TECPR2: variants seen among roughly 807,000 people sequenced by gnomAD.
TECPR2 encodes tectonin beta-propeller repeat containing 2.
TECPR2 carries 65 observed loss-of-function variants against 138.1 expected under a neutral mutation model. That is an observed-to-expected ratio of 0.47 (90% CI 0.39 to 0.58). The LOEUF (loss-of-function observed/expected upper bound fraction) is 0.58, where lower values mean the gene tolerates loss of function less well. TECPR2 is among the 20% of genes least tolerant of loss of function. The pLI, the probability that TECPR2 is intolerant of heterozygous loss-of-function variation, is 0.00. For synonymous variants in TECPR2, 746 were observed against 749.8 expected (o/e 0.99, Z 0.08); for missense variants, 1,553 against 1,824.5 (o/e 0.85, Z 2.71).
chr14:102,458,427 G>A (rs1399226554), intron 16 of TECPR2, among the ~76,000 whole-genome samples: 2 of 152,088 alleles, frequency 1.3e-5, no homozygotes, highest in South Asian at 2.1e-4. Flanking sequence ...TGCCCTCCAC[G>A]TTACATGGCT....
At chr14:102,380,466 C>A (rs1887772288) in intron 2 of TECPR2, among the ~76,000 whole-genome samples, 1 of 152,210 alleles carries the variant, frequency 6.6e-6, no homozygotes, top group Admixed American at 6.5e-5. Flanking sequence ...AGGAAACTTA[C>A]AGTCATGGTG....
chr14:102,367,993 CCT>C lies in TECPR2; in HGVS notation c.-73+4878_-73+4879del, dbSNP rs1491531599. The stretch of plus-strand genomic sequence containing the variant: ...GAACATCTTTTTATGTGCTTATTGG[CCT>C]TTTTTTTTTTTTTTTTTTTTTTTTT... On this transcript the variant is annotated intron_variant, in intron 1 of 19. Coordinates refer to ENST00000359520, the MANE Select transcript of TECPR2 (RefSeq NM_014844.5). Among the ~76,000 whole-genome samples, 71 of 101,122 alleles carry C rather than the reference CCT, an allele frequency of 7.0e-4. 2 individuals carry two copies. Among genetic ancestry groups the C allele is most frequent in the African/African-American group, 2.6e-3 (65 of 24,620 alleles). 66.3% of individuals were successfully genotyped at this position (101,122 alleles called of 152,430 possible). A position where few individuals can be genotyped will look rare whatever the true frequency, so the allele number is the denominator to read the frequency against.
intron 17 of TECPR2, among the ~76,000 whole-genome samples, chr14:102,479,558 T>C (rs1458915109): frequency 6.6e-6 from 1 of 152,096 alleles, no homozygotes; most frequent in Non-Finnish European, 1.5e-5. Flanking sequence ...AGGTCTGCAG[T>C]GAGCTGTGGA....
At chr14:102,494,208 G>A (rs540876090) in intron 17 of TECPR2, among the ~76,000 whole-genome samples, 66 of 152,244 alleles carry the variant, frequency 4.3e-4, no homozygotes, top group African/African-American at 1.5e-3. Flanking sequence ...GGAGCCCCTC[G>A]CTAGGACTCT....
In TECPR2 at chr14:102,498,156, C is replaced by A. The variant is rs748297908; in HGVS notation, c.4135C>A (p.Arg1379=). ...AVGPPGYLLQ[R]LTKTFSHSHG... ...GGGCCCGCCCGGCTACCTCCTCCAACGGCTGACAAAGACGTTCAGCCACTC... is the reference window on the plus strand; with the variant it reads ...GGGCCCGCCCGGCTACCTCCTCCAAAGGCTGACAAAGACGTTCAGCCACTC... Residue 1379 remains arginine, a synonymous_variant, in exon 20 of 20, where the codon CGG becomes AGG. Coordinates refer to ENST00000359520, the MANE Select transcript of TECPR2 (RefSeq NM_014844.5). The A allele has an allele frequency of 6.2e-7, 1 of 1,613,102 alleles. No individual in the cohort carries two copies. Among genetic ancestry groups the A allele is most frequent in the Non-Finnish European group, 8.5e-7 (1 of 1,179,960 alleles).
chr14:102,425,912 A>G (rs1402757857), intron 6 of TECPR2, among the ~76,000 whole-genome samples: 2 of 110,422 alleles, frequency 1.8e-5, no homozygotes, highest in African/African-American at 7.2e-5. Flanking sequence ...GAGTCCTAGT[A>G]TGTCACCCAG....
chr14:102,445,315 G>A (rs1889943130), intron 12 of TECPR2, among the ~76,000 whole-genome samples: 2 of 152,176 alleles, frequency 1.3e-5, no homozygotes, highest in Non-Finnish European at 2.9e-5. Flanking sequence ...GGAGTTTACA[G>A]TCATTCCCTT....
At chr14:102,455,429 C>T (rs1440656416) in intron 16 of TECPR2, among the ~76,000 whole-genome samples, 1 of 152,156 alleles carries the variant, frequency 6.6e-6, no homozygotes, top group Non-Finnish European at 1.5e-5. Flanking sequence ...GCTGCTGTCA[C>T]CTTGAACCGC....
At chr14:102,438,250 C>CGCTCCT in intron 10 of TECPR2, 45 bp downstream of exon 10, 1 of 1,565,380 alleles carries the variant, frequency 6.4e-7, no homozygotes, top group Non-Finnish European at 8.6e-7. Flanking sequence ...TCCCGCTCGC[C>CGCTCCT]GCTCCTGCTC....
intron 1 of TECPR2, among the ~76,000 whole-genome samples, chr14:102,374,505 T>C (rs1887592901): frequency 1.3e-5 from 2 of 152,150 alleles, no homozygotes; most frequent in African/African-American, 4.8e-5. Context: ...CTCATACCTG[T>C]AATCCCAGCA....
Position 102,464,942 on chromosome 14 carries a change from C to T in TECPR2, c.3641-199C>T, listed in dbSNP as rs143328853. ...AGGCCATTATTACTCTCTTGAGTTACGGTGTTCTCAAGCCCAGCTGAGTCC... is the reference window on the plus strand; with the variant it reads ...AGGCCATTATTACTCTCTTGAGTTATGGTGTTCTCAAGCCCAGCTGAGTCC... On this transcript the variant is annotated intron_variant, in intron 16 of 19. Transcript: ENST00000359520. Among the ~76,000 whole-genome samples the T allele has an allele frequency of 6.9e-3, 1,047 of 152,262 alleles. 3 individuals carry two copies. The highest frequency in any genetic ancestry group is 0.011 in the Non-Finnish European group (715 of 68,018).
intron 7 of TECPR2, 132 bp downstream of exon 7, chr14:102,428,514 A>G: frequency 7.3e-7 from 1 of 1,376,516 alleles, no homozygotes; most frequent in East Asian, 2.5e-5. Flanking sequence ...TAATCCCAGC[A>G]CTTTGGGAGG....
chr14:102,465,440 C>T, intron 17 of TECPR2, 151 bp downstream of exon 17: 7 of 1,411,594 alleles, frequency 5.0e-6, no homozygotes, highest in Non-Finnish European at 6.4e-6. Context: ...TCTCGTTCAT[C>T]AACATCACAA....
chr14:102,455,928 A>G (rs1890267678), intron 16 of TECPR2, among the ~76,000 whole-genome samples: 1 of 151,906 alleles, frequency 6.6e-6, no homozygotes, highest in Non-Finnish European at 1.5e-5. Context: ...TAACTTTTGT[A>G]TTTTGGGTAG....
chr14:102,495,680 C>A (rs1054735272), intron 17 of TECPR2, among the ~76,000 whole-genome samples: 1 of 152,202 alleles, frequency 6.6e-6, no homozygotes, highest in Admixed American at 6.5e-5. Flanking sequence ...GGTGATGTGC[C>A]GACAAGAGCG....
Position 102,502,411 on chromosome 14 carries a change from C to T in TECPR2, c.*4154C>T, listed in dbSNP as rs1891465576. On this transcript the variant is annotated 3_prime_UTR_variant, in exon 20 of 20. Transcript: ENST00000359520. ...CCTGGAGTATATGCCTTTTTGTATC[C>T]TTTGAATTTCCAGCCATGTAAATGT... The T allele has an allele frequency of 6.6e-6, 1 of 152,556 alleles. No individual in the cohort carries two copies. The highest frequency in any genetic ancestry group is 6.5e-5 in the Admixed American group (1 of 15,278). The allele number at this position is 152,556 out of a possible 1,614,324, so 9.5% of individuals were successfully genotyped here.
Position 102,498,312 on chromosome 14 carries a change from G to A in TECPR2, c.*55G>A. On this transcript the variant is annotated 3_prime_UTR_variant, in exon 20 of 20. Coordinates refer to ENST00000359520, the MANE Select transcript of TECPR2 (RefSeq NM_014844.5). ...CCCGGCGTCTGTGGCGGGCACAGGGGCTTCAGAGTGACTCCCTGGTGGACG... is the reference window on the plus strand; with the variant it reads ...CCCGGCGTCTGTGGCGGGCACAGGGACTTCAGAGTGACTCCCTGGTGGACG... 1.9e-6 allele frequency: 3 copies of A among 1,548,546 alleles called. No homozygotes were observed. In the South Asian group the frequency reaches 3.5e-5, roughly 18 times the overall value.
chr14:102,394,877 C>G (rs1041891441), intron 2 of TECPR2, among the ~76,000 whole-genome samples: 1 of 152,166 alleles, frequency 6.6e-6, no homozygotes, highest in Non-Finnish European at 1.5e-5. Context: ...CTTTTCTAGA[C>G]TGGGCCCTTA....
At chr14:102,472,988 C>T (rs1042224238) in intron 17 of TECPR2, among the ~76,000 whole-genome samples, 3 of 152,262 alleles carry the variant, frequency 2.0e-5, no homozygotes, top group Admixed American at 6.5e-5. Context: ...AGGCTAATGC[C>T]TGAAGCACAT....
Sources: allele counts gnomAD v4.1 joint callset (sites outside exome capture counted in the v4.1 genomes callset), GRCh38; gene constraint gnomAD v4.1.1; transcripts MANE v1.5; gene names NCBI Gene and HGNC (gene_info 2026-07-23, HGNC 2026-07-21).